Variants in KDM5B observed in about 807,000 individuals in gnomAD.
The protein encoded by KDM5B is lysine-specific demethylase 5B.
KDM5B carries 144 observed loss-of-function variants against 193.4 expected under a neutral mutation model. The ratio of observed to expected loss-of-function variants is 0.74; its 90% CI spans 0.65 to 0.86. KDM5B has a LOEUF of 0.86. Among genes scored for constraint, KDM5B ranks in the 40% least tolerant of loss-of-function variants. KDM5B has a pLI of 0.00. For synonymous variants in KDM5B, 668 were observed against 682.6 expected (o/e 0.98, Z 0.33); for missense variants, 1,833 against 1,886.9 (o/e 0.97, Z 0.53).
At chr1:202,757,604 C>A (rs1170914265) in intron 9 of KDM5B, among the ~76,000 whole-genome samples, 2 of 152,138 alleles carry the variant, frequency 1.3e-5, no homozygotes, top group Non-Finnish European at 2.9e-5. Context: ...ACTGAAAATT[C>A]AAATGGAGTA....
At chr1:202,794,708 C>T (rs1160185924) in intron 1 of KDM5B, among the ~76,000 whole-genome samples, 1 of 152,166 alleles carries the variant, frequency 6.6e-6, no homozygotes, top group Non-Finnish European at 1.5e-5. Flanking sequence ...ATTAAAGTCA[C>T]AATAGAAATG....
intron 4 of KDM5B, among the ~76,000 whole-genome samples, chr1:202,768,766 G>A (rs1656580341): frequency 1.4e-5 from 2 of 142,394 alleles, no homozygotes; most frequent in Non-Finnish European, 3.0e-5. Context: ...TGCCCAGGCT[G>A]GAGTGCAAAG....
At chr1:202,750,610 C>T (rs199633430) in intron 13 of KDM5B, 49 bp downstream of exon 13, 1 of 1,590,954 alleles carries the variant, frequency 6.3e-7, no homozygotes, top group African/African-American at 1.3e-5. Context: ...TCCATTTCCT[C>T]AGGAAAAACA....
chr1:202,769,659 ACT>A (rs1483727882), intron 4 of KDM5B, among the ~76,000 whole-genome samples: 1 of 118,326 alleles, frequency 8.5e-6, no homozygotes, highest in Non-Finnish European at 1.8e-5. Context: ...ACACAGCAAG[ACT>A]CTGTCTCAAA....
intron 8 of KDM5B, 35 bp downstream of exon 8, chr1:202,760,380 A>T (rs567432632): frequency 6.7e-5 from 101 of 1,498,450 alleles, no homozygotes; most frequent in Middle Eastern, 3.5e-4. Context: ...CCCTAAAAAA[A>T]TTTTTCTAGT....
intron 1 of KDM5B, chr1:202,796,649 T>G (rs1432027628): frequency 6.2e-6 from 1 of 160,378 alleles, no homozygotes; most frequent in Non-Finnish European, 1.4e-5. Flanking sequence ...TGGTTGGTGC[T>G]CACTGTGGCT....
At chr1:202,765,702 A>C (rs1453436030) in intron 5 of KDM5B, among the ~76,000 whole-genome samples, 1 of 152,224 alleles carries the variant, frequency 6.6e-6, no homozygotes, top group Non-Finnish European at 1.5e-5. Flanking sequence ...CCAACTTACC[A>C]AAGTGAAAAA....
chr1:202,760,311 G>T, intron 8 of KDM5B, 104 bp downstream of exon 8: 1 of 827,786 alleles, frequency 1.2e-6, no homozygotes, highest in Non-Finnish European at 1.8e-6. Flanking sequence ...GTGAGTCCTT[G>T]TCTAAAAAAA....
rs147495842 is a variant in KDM5B at position 202,741,696 on chromosome 1, A to C, written c.2616T>G (p.Phe872Leu). 3.1e-6 allele frequency: 5 copies of C among 1,611,380 alleles called. No individual in the cohort carries two copies. The highest frequency in any genetic ancestry group is 4.2e-6 in the Non-Finnish European group (5 of 1,178,802). The change falls in exon 19 of 27, where the codon TTT becomes TTG. Residue 872 changes from phenylalanine to leucine, a missense_variant. Around this residue, in one of 3 missense-constraint regions of KDM5B, gnomAD observed 1,379 missense variants for 1,349.6 expected, o/e 1.02. Coordinates refer to ENST00000367265, the MANE Select transcript of KDM5B (RefSeq NM_006618.5). The part of the protein sequence containing the change: ...LKDLLNRVED[F>L]QQHSQKLLSE... ...AGAGTAGTTTCTGACTATGCTGTTG[A>C]AAATCTTCTACACGATTCAAGAGAT...
chr1:202,772,304 T>A (rs1225603325), intron 4 of KDM5B, among the ~76,000 whole-genome samples: 1 of 152,188 alleles, frequency 6.6e-6, no homozygotes, highest in Non-Finnish European at 1.5e-5. Context: ...AGTTTTTAAG[T>A]GAATAATTTC....
chr1:202,751,874 AAC>A (rs919295646), intron 12 of KDM5B, among the ~76,000 whole-genome samples: 10 of 152,290 alleles, frequency 6.6e-5, no homozygotes, highest in African/African-American at 2.2e-4. Flanking sequence ...AATTGGAAAA[AAC>A]AGTCAACATG....
intron 3 of KDM5B, 48 bp from the exon 4 acceptor site, chr1:202,773,336 A>C: frequency 6.5e-7 from 1 of 1,526,966 alleles, no homozygotes; most frequent in Non-Finnish European, 9.0e-7. Context: ...GTCACTTCTA[A>C]TCACATCTAA....
chr1:202,758,157 T>TTAG (rs1276531443), intron 9 of KDM5B, among the ~76,000 whole-genome samples: 1 of 152,184 alleles, frequency 6.6e-6, no homozygotes, highest in Non-Finnish European at 1.5e-5. Flanking sequence ...CTATTACTGG[T>TTAG]GCTGTATAAT....
At chr1:202,783,976 A>C (rs1002015251) in intron 1 of KDM5B, among the ~76,000 whole-genome samples, 1 of 152,344 alleles carries the variant, frequency 6.6e-6, no homozygotes, top group South Asian at 2.1e-4. Context: ...AAATCCTCAG[A>C]GGCCTGAGAA....
chr1:202,767,515 G>T, intron 4 of KDM5B: 1 of 693,988 alleles, frequency 1.4e-6, no homozygotes, highest in Non-Finnish European at 2.6e-6. Flanking sequence ...CTTGTTCCCC[G>T]GTGTGCAAGG....
At chr1:202,803,977 A>T (rs969716194) in intron 1 of KDM5B, among the ~76,000 whole-genome samples, 5 of 151,352 alleles carry the variant, frequency 3.3e-5, no homozygotes, top group African/African-American at 9.7e-5. Context: ...AGATATACCT[A>T]ATGTAAATGA....
At chr1:202,803,278 T>C (rs936568436) in intron 1 of KDM5B, among the ~76,000 whole-genome samples, 3 of 152,190 alleles carry the variant, frequency 2.0e-5, no homozygotes, top group Admixed American at 6.5e-5. Context: ...AACCATACCC[T>C]ATAACCATAG....
rs1655764266 is a variant in KDM5B at position 202,750,900 on chromosome 1, G to GA, written c.1702-123dup. 54 of 949,244 alleles carry GA rather than the reference G, an allele frequency of 5.7e-5. No homozygotes were observed. The South Asian group carries it at 8.0e-4, about 14-fold the overall frequency. The allele number at this position is 949,244 out of a possible 1,614,324, so 58.8% of individuals were successfully genotyped here. On this transcript the variant is annotated intron_variant, in intron 12 of 26. Coordinates refer to ENST00000367265, the MANE Select transcript of KDM5B (RefSeq NM_006618.5). Reference sequence around the variant, plus strand: ...AAGGCAGCTTTCTGAAATTGAGCCAGAAAAAACAAATTATTATAGTAGAAT... The same window carrying GA: ...AAGGCAGCTTTCTGAAATTGAGCCAGAAAAAAACAAATTATTATAGTAGAAT...
rs1378472589 is a variant in KDM5B, at chr1:202,771,730, C to T, written c.576+1388G>A. Among the ~76,000 whole-genome samples, 9 of 152,008 alleles carry T rather than the reference C, an allele frequency of 5.9e-5. No individual in the cohort carries two copies. The South Asian group carries it at 1.2e-3, about 21-fold the overall frequency. On this transcript the variant is annotated intron_variant, in intron 4 of 26. Transcript: ENST00000367265. ...CCAAGTAGCTGGGACTACAGGCACG[C>T]ACCACCACGCTCAGCTAATTTACGT...
Sources: allele counts gnomAD v4.1 joint callset (sites outside exome capture counted in the v4.1 genomes callset), GRCh38; gene constraint gnomAD v4.1.1; regional missense constraint gnomAD v4.1.1; transcripts MANE v1.5; gene names NCBI Gene and HGNC (gene_info 2026-07-23, HGNC 2026-07-21).